Variants in CDK8 observed in about 807,000 individuals in gnomAD.
CDK8 encodes the protein cyclin-dependent kinase 8.
In CDK8, 29 loss-of-function variants were observed where a neutral mutation model predicts 71.5. The observed-to-expected ratio is 0.41, with a 90% CI of 0.30 to 0.55. The LOEUF (loss-of-function observed/expected upper bound fraction) is 0.55, where lower values mean the gene tolerates loss of function less well. CDK8 is among the 20% of genes least tolerant of loss of function. The pLI, the probability that CDK8 is intolerant of heterozygous loss-of-function variation, is 0.37. For missense variants in CDK8, 288 were observed against 572.6 expected, an observed-to-expected ratio of 0.50 and a Z score of 5.07; for synonymous variants, 161 against 192.1, an observed-to-expected ratio of 0.84 and a Z score of 1.34.
chr13:26,374,810 A>G (rs1475586118), intron 4 of CDK8, among the ~76,000 whole-genome samples: 1 of 152,156 alleles, frequency 6.6e-6, no homozygotes, highest in Non-Finnish European at 1.5e-5. Context: ...TGATTTTATT[A>G]TACTTGATGG....
intron 1 of CDK8, among the ~76,000 whole-genome samples, chr13:26,286,090 G>A (rs1311886992): frequency 6.6e-6 from 1 of 152,130 alleles, no homozygotes; most frequent in Non-Finnish European, 1.5e-5. Flanking sequence ...ACTGCCAAAA[G>A]CAATCTACAG....
chr13:26,333,198 G>C (rs763944832), intron 1 of CDK8, among the ~76,000 whole-genome samples: 4 of 151,368 alleles, frequency 2.6e-5, no homozygotes, highest in Admixed American at 6.6e-5. Context: ...GGAGTGCAAT[G>C]GCGCAATCCT....
At chr13:26,306,411 A>G (rs140780308) in intron 1 of CDK8, among the ~76,000 whole-genome samples, 6 of 152,298 alleles carry the variant, frequency 3.9e-5, no homozygotes, top group Non-Finnish European at 7.4e-5. Context: ...TTCTTGTAGC[A>G]TATAGATTAA....
chr13:26,337,299 A>G (rs1310648454), intron 1 of CDK8, among the ~76,000 whole-genome samples: 2 of 152,206 alleles, frequency 1.3e-5, no homozygotes, highest in Non-Finnish European at 2.9e-5. Context: ...ACTGGAAGTC[A>G]GAAGCTCTGT....
intron 4 of CDK8, among the ~76,000 whole-genome samples, chr13:26,357,750 G>A (rs192114379): frequency 1.6e-3 from 243 of 152,300 alleles, no homozygotes; most frequent in Non-Finnish European, 3.0e-3. Flanking sequence ...TGGAGACCCA[G>A]GAAAAAGTTT....
rs1024033076 is a variant in CDK8, at chr13:26,309,501, A to G, written c.129-28066A>G. Among the ~76,000 whole-genome samples, 3 of 152,094 alleles carry G rather than the reference A, an allele frequency of 2.0e-5. No individual in the cohort carries two copies. The East Asian group carries it at 5.8e-4, about 29-fold the overall frequency. ...TTCTTCTTTTAGCTTTTGAATTATT[A>G]TACTTTAGTGATTTTCATTTCATAT... is the stretch of plus-strand genomic sequence containing the variant. On this transcript the variant is annotated intron_variant, in intron 1 of 12. Transcript: ENST00000381527.
chr13:26,265,030 C>T (rs1050005361), intron 1 of CDK8, among the ~76,000 whole-genome samples: 2 of 152,120 alleles, frequency 1.3e-5, no homozygotes, highest in Non-Finnish European at 2.9e-5. Context: ...ATAGTGTTGC[C>T]ATAAACATGC....
At chr13:26,285,639 CAG>C (rs1285087862) in intron 1 of CDK8, among the ~76,000 whole-genome samples, 10 of 152,104 alleles carry the variant, frequency 6.6e-5, no homozygotes, top group Non-Finnish European at 1.3e-4. Flanking sequence ...AAGTCCCAGC[CAG>C]AGCAGTCAGA....
intron 1 of CDK8, among the ~76,000 whole-genome samples, chr13:26,282,613 C>G (rs142140368): frequency 6.6e-6 from 1 of 152,202 alleles, no homozygotes; most frequent in African/African-American, 2.4e-5. Flanking sequence ...ATAGAACCTT[C>G]TCAAAGCGTA....
At chr13:26,369,119 A>G (rs1294938359) in intron 4 of CDK8, among the ~76,000 whole-genome samples, 4 of 152,006 alleles carry the variant, frequency 2.6e-5, no homozygotes, top group African/African-American at 7.3e-5. Flanking sequence ...TAATATAGGA[A>G]TTATTTGTTC....
At chr13:26,397,309 GT>G in intron 9 of CDK8, 84 bp downstream of exon 9, 1 of 800,318 alleles carries the variant, frequency 1.2e-6, no homozygotes, top group Non-Finnish European at 2.1e-6. Context: ...ATCAATTTAT[GT>G]GGTTACTTAG....
intron 4 of CDK8, among the ~76,000 whole-genome samples, chr13:26,362,112 A>C (rs1316715940): frequency 1.3e-5 from 2 of 152,094 alleles, no homozygotes; most frequent in African/African-American, 4.8e-5. Flanking sequence ...TAGTAGTTAT[A>C]TGACTGGCCT....
At chr13:26,384,596 G>A (rs1318853532) in intron 5 of CDK8, among the ~76,000 whole-genome samples, 1 of 152,172 alleles carries the variant, frequency 6.6e-6, no homozygotes. Flanking sequence ...TGAGGTATGA[G>A]TATGTACCTT....
chr13:26,398,186 C>T (rs1367171579), intron 9 of CDK8, among the ~76,000 whole-genome samples: 1 of 152,154 alleles, frequency 6.6e-6, no homozygotes, highest in Non-Finnish European at 1.5e-5. Context: ...AAAAGTCATT[C>T]TTAACCTGTC....
intron 1 of CDK8, among the ~76,000 whole-genome samples, chr13:26,272,297 A>G (rs1290616716): frequency 6.6e-6 from 1 of 151,894 alleles, no homozygotes; most frequent in Non-Finnish European, 1.5e-5. Context: ...TTCAAGACCA[A>G]ACTTTTTTTT....
chr13:26,261,198 A>G (rs1290329960), intron 1 of CDK8, among the ~76,000 whole-genome samples: 2 of 152,196 alleles, frequency 1.3e-5, no homozygotes, highest in Admixed American at 1.3e-4. Flanking sequence ...AGTTATTGTC[A>G]AAGTCCCAAA....
chr13:26,334,413 A>G (rs1218192584), intron 1 of CDK8, among the ~76,000 whole-genome samples: 1 of 152,200 alleles, frequency 6.6e-6, no homozygotes, highest in African/African-American at 2.4e-5. Flanking sequence ...GAAAGTGTCT[A>G]ATAGACTATT....
chr13:26,354,746 C>G (rs371033538), intron 4 of CDK8, among the ~76,000 whole-genome samples: 1 of 152,164 alleles, frequency 6.6e-6, no homozygotes, highest in Non-Finnish European at 1.5e-5. Flanking sequence ...CCTCCCACCC[C>G]GCTCCGTGGA....
chr13:26,321,501 A>G (rs1355214157), intron 1 of CDK8, among the ~76,000 whole-genome samples: 1 of 152,112 alleles, frequency 6.6e-6, no homozygotes, highest in Non-Finnish European at 1.5e-5. Flanking sequence ...AATACCTTTG[A>G]ACTGTACACT....
Sources: gnomAD v4.1 joint callset for allele counts (sites outside exome capture counted in the v4.1 genomes callset) on GRCh38, gnomAD v4.1.1 for gene constraint, MANE v1.5 for transcripts, NCBI Gene and HGNC (gene_info 2026-07-23, HGNC 2026-07-21) for gene names.